KIRREL3: variants seen among roughly 807,000 people sequenced by gnomAD.
The protein encoded by KIRREL3 is kirre like nephrin family adhesion molecule 3, also known as kin of IRRE-like protein 3.
Under a neutral mutation model 89.7 loss-of-function variants are expected in KIRREL3, and 36 were observed. The observed-to-expected ratio is 0.40, with a 90% CI of 0.31 to 0.53. The LOEUF (loss-of-function observed/expected upper bound fraction) is 0.53. Among genes scored for constraint, KIRREL3 ranks in the 20% least tolerant of loss-of-function variants. KIRREL3 has a pLI of 0.49. For synonymous variants in KIRREL3, 445 were observed against 441.4 expected, an observed-to-expected ratio of 1.01 and a Z score of -0.10; for missense variants, 864 against 1,056.6, an observed-to-expected ratio of 0.82 and a Z score of 2.53.
In KIRREL3 at chr11:126,653,514, T is replaced by C. The variant is rs1296697365; in HGVS notation, c.56-90602A>G. Among the ~76,000 whole-genome samples the C allele has an allele frequency of 1.3e-5, 2 of 152,150 alleles. No individual in the cohort carries two copies. The highest frequency in any genetic ancestry group is 3.9e-4 in the East Asian group (2 of 5,194). ...ATGGATATGAAATGGTTCTGAAAGATGTAAAGAGCAATATAAACACCAGAT... is the reference window on the plus strand; with the variant it reads ...ATGGATATGAAATGGTTCTGAAAGACGTAAAGAGCAATATAAACACCAGAT... On this transcript the variant is annotated intron_variant, in intron 1 of 16. Transcript: ENST00000525144. This position sits in a 1 kb window ranked among gnomAD's most constrained non-coding sequence, Gnocchi z 5.4.
At chr11:126,552,549 A>AGTTTTT (rs1939350009) in intron 2 of KIRREL3, among the ~76,000 whole-genome samples, 4 of 67,924 alleles carry the variant, frequency 5.9e-5, no homozygotes, top group African/African-American at 2.3e-4. Flanking sequence ...GAGAGAGAAA[A>AGTTTTT]GTTTTTTTTT....
rs1949925116 is a variant in KIRREL3 at position 126,768,727 on chromosome 11, T to C, written c.56-205815A>G. ...GCAGCTGGAAGAGCAAGTGCAAAGG[T>C]CCTAAGGTGAGAATGACCCAGGTGC... On this transcript the variant is annotated intron_variant, in intron 1 of 16. Coordinates refer to ENST00000525144, the MANE Select transcript of KIRREL3 (RefSeq NM_032531.4). This position sits in a 1 kb window ranked among gnomAD's most constrained non-coding sequence, Gnocchi z 4.5. Among the ~76,000 whole-genome samples the C allele has an allele frequency of 6.6e-6, 1 of 151,890 alleles. No homozygotes were observed. Among genetic ancestry groups the C allele is most frequent in the Non-Finnish European group, 1.5e-5 (1 of 67,974 alleles).
rs534561142 is a variant in KIRREL3 at position 126,728,043 on chromosome 11, A to G, written c.56-165131T>C. On this transcript the variant is annotated intron_variant, in intron 1 of 16. Transcript: ENST00000525144. The stretch of plus-strand genomic sequence containing the variant: ...GCCAGAGCCTCCTGATGCACCTGGC[A>G]TGACACTGGGACAAAGGCAATCCAT... 1.3e-4 allele frequency among the ~76,000 whole-genome samples: 20 copies of G among 152,226 alleles called. No individual in the cohort carries two copies. The South Asian group carries it at 4.0e-3, about 30-fold the overall frequency.
chr11:126,466,386 C>T lies in KIRREL3; in HGVS notation c.592-3079G>A, dbSNP rs563903929. 3.3e-5 allele frequency among the ~76,000 whole-genome samples: 5 copies of T among 152,346 alleles called. No homozygotes were observed. In the East Asian group the frequency reaches 7.7e-4, roughly 24 times the overall value. Reference sequence around the variant, plus strand: ...CTAGCTCGCGGGGGACCCCAGGCCCCGTGCAGCGGGTATCCCAGGGAGGAA... The same window carrying T: ...CTAGCTCGCGGGGGACCCCAGGCCCTGTGCAGCGGGTATCCCAGGGAGGAA... On this transcript the variant is annotated intron_variant, in intron 5 of 16. Coordinates refer to ENST00000525144, the MANE Select transcript of KIRREL3 (RefSeq NM_032531.4).
At chr11:126,478,154 G>T (rs1172563351) in intron 4 of KIRREL3, among the ~76,000 whole-genome samples, 1 of 152,132 alleles carries the variant, frequency 6.6e-6, no homozygotes, top group Non-Finnish European at 1.5e-5. Context: ...TTCCGGGGCC[G>T]GGCTTGCCCT....
chr11:126,823,662 C>A (rs1943302204), intron 1 of KIRREL3, among the ~76,000 whole-genome samples: 1 of 152,218 alleles, frequency 6.6e-6, no homozygotes, highest in Non-Finnish European at 1.5e-5. Flanking sequence ...AGGGAGAAAT[C>A]AGTCTCCAGG....
At chr11:126,582,369 G>A (rs1187269722) in intron 1 of KIRREL3, among the ~76,000 whole-genome samples, 1 of 152,172 alleles carries the variant, frequency 6.6e-6, no homozygotes, top group African/African-American at 2.4e-5. Context: ...CTAAGCTCTG[G>A]TTTGTGTTTC....
In KIRREL3 at chr11:126,574,979, T is replaced by C. The variant is rs910612140; in HGVS notation, c.56-12067A>G. Among the ~76,000 whole-genome samples the C allele has an allele frequency of 1.3e-5, 2 of 152,208 alleles. No individual in the cohort carries two copies. Among genetic ancestry groups the C allele is most frequent in the Non-Finnish European group, 2.9e-5 (2 of 68,036 alleles). ...TGGGGATCAGTGTGTCTCTGGGACC[T>C]ATTTACCCCTATGAACCACTGGGGT... On this transcript the variant is annotated intron_variant, in intron 1 of 16. Coordinates refer to ENST00000525144, the MANE Select transcript of KIRREL3 (RefSeq NM_032531.4). This position sits in a 1 kb window ranked among gnomAD's most constrained non-coding sequence, Gnocchi z 5.3.
At chr11:126,447,051 G>T (rs60913815) in intron 8 of KIRREL3, among the ~76,000 whole-genome samples, 165 bp from the exon 9 acceptor site, 5,334 of 152,302 alleles carry the variant, frequency 0.035, 349 homozygotes, top group African/African-American at 0.12. Context: ...TCCGGGCGGG[G>T]TCTGGGATCT....
Position 126,723,878 on chromosome 11 carries a change from C to T in KIRREL3, c.56-160966G>A, listed in dbSNP as rs900369227. Reference sequence around the variant, plus strand: ...AAAATACTTTAAATGAAGGTAAAAACCATCATTGTTTTCTCTCTGCCTAGG... The same window carrying T: ...AAAATACTTTAAATGAAGGTAAAAATCATCATTGTTTTCTCTCTGCCTAGG... On this transcript the variant is annotated intron_variant, in intron 1 of 16. Transcript: ENST00000525144. This position sits in a 1 kb window ranked among gnomAD's most constrained non-coding sequence, Gnocchi z 4.0. 6.6e-6 allele frequency among the ~76,000 whole-genome samples: 1 copy of T among 152,152 alleles called. No homozygotes were observed. The highest frequency in any genetic ancestry group is 1.5e-5 in the Non-Finnish European group (1 of 68,030).
intron 1 of KIRREL3, among the ~76,000 whole-genome samples, chr11:126,875,230 C>T (rs1787276580): frequency 6.6e-6 from 1 of 152,110 alleles, no homozygotes; most frequent in Admixed American, 6.5e-5. Flanking sequence ...TCTCCTTGTC[C>T]TTTCTCTGTT....
In KIRREL3 at chr11:126,843,978, C is replaced by T. The variant is rs920080234; in HGVS notation, c.55+156477G>A. 1.1e-4 allele frequency among the ~76,000 whole-genome samples: 16 copies of T among 152,226 alleles called. No homozygotes were observed. The highest frequency in any genetic ancestry group is 2.7e-4 in the African/African-American group (11 of 41,458). ...AATGGGCAACCAGCAGCCCTCAGAACTGCTGTCTATGGAGTAGCCATTCTT... is the reference window on the plus strand; with the variant it reads ...AATGGGCAACCAGCAGCCCTCAGAATTGCTGTCTATGGAGTAGCCATTCTT... On this transcript the variant is annotated intron_variant, in intron 1 of 16. Coordinates refer to ENST00000525144, the MANE Select transcript of KIRREL3 (RefSeq NM_032531.4). The surrounding 1 kb of genome is among the most constrained non-coding windows in gnomAD (Gnocchi z 4.6).
Position 126,682,166 on chromosome 11 carries a change from T to G in KIRREL3, c.56-119254A>C, listed in dbSNP as rs1307709476. On this transcript the variant is annotated intron_variant, in intron 1 of 16. Coordinates refer to ENST00000525144, the MANE Select transcript of KIRREL3 (RefSeq NM_032531.4). The surrounding 1 kb of genome is among the most constrained non-coding windows in gnomAD (Gnocchi z 4.8). ...AAGAGTGGGCATCACAGAGCTGCTG[T>G]GGAGTGTGTGCACAGATTCTGTGTA... 2 of 318,642 alleles carry G rather than the reference T, an allele frequency of 6.3e-6. No individual in the cohort carries two copies. The highest frequency in any genetic ancestry group is 1.2e-5 in the Non-Finnish European group (2 of 161,758). 19.7% of individuals were successfully genotyped at this position (318,642 alleles called of 1,614,324 possible).
At chr11:126,621,052 AAT>A (rs1943556433) in intron 1 of KIRREL3, among the ~76,000 whole-genome samples, 1 of 152,210 alleles carries the variant, frequency 6.6e-6, no homozygotes, top group Non-Finnish European at 1.5e-5. Context: ...ATCTTAAAAG[AAT>A]TATTATTCAT....
Position 126,555,739 on chromosome 11 carries a change from T to G in KIRREL3, c.133+7096A>C, listed in dbSNP as rs1005238725. Among the ~76,000 whole-genome samples the G allele has an allele frequency of 1.1e-4, 11 of 96,948 alleles. No individual in the cohort carries two copies. The highest frequency in any genetic ancestry group is 6.5e-3 in the Middle Eastern group (1 of 154). 63.6% of individuals were successfully genotyped at this position (96,948 alleles called of 152,430 possible). A position where few individuals can be genotyped will look rare whatever the true frequency, so the allele number is the denominator to read the frequency against. ...CACCTTGTAGAACATGCTAACAATG[T>G]GAGCATTTTTTTTTTTTTTGAGACG... On this transcript the variant is annotated intron_variant, in intron 2 of 16. Transcript: ENST00000525144. This position sits in a 1 kb window ranked among gnomAD's most constrained non-coding sequence, Gnocchi z 4.2.
chr11:126,828,299 G>T (rs1943485498), intron 1 of KIRREL3, among the ~76,000 whole-genome samples: 1 of 152,112 alleles, frequency 6.6e-6, no homozygotes, highest in African/African-American at 2.4e-5. Context: ...TGCTGGCAAG[G>T]TGATGCGACC....
intron 1 of KIRREL3, among the ~76,000 whole-genome samples, chr11:126,806,571 T>C (rs1297401505): frequency 1.3e-5 from 2 of 152,230 alleles, no homozygotes; most frequent in African/African-American, 4.8e-5. Context: ...GAACTCCTAG[T>C]TGGACCATGT....
intron 15 of KIRREL3, among the ~76,000 whole-genome samples, chr11:126,426,986 A>G (rs1485007349): frequency 6.6e-6 from 1 of 152,118 alleles, no homozygotes; most frequent in Non-Finnish European, 1.5e-5. Context: ...CGATATCCTC[A>G]AGGGGTGGCT....
rs1035508550 is a variant in KIRREL3, at chr11:126,940,199, C to T, written c.55+60256G>A. On this transcript the variant is annotated intron_variant, in intron 1 of 16. Transcript: ENST00000525144. The surrounding 1 kb of genome is among the most constrained non-coding windows in gnomAD (Gnocchi z 4.6). ...AGCCTGCTCTCAAAGGATTGTCAAACGTGCAACAAATCAGTGTTCTCTCAT... is the reference window on the plus strand; with the variant it reads ...AGCCTGCTCTCAAAGGATTGTCAAATGTGCAACAAATCAGTGTTCTCTCAT... 2.0e-5 allele frequency among the ~76,000 whole-genome samples: 3 copies of T among 152,198 alleles called. No individual in the cohort carries two copies. Among genetic ancestry groups the T allele is most frequent in the African/African-American group, 2.4e-5 (1 of 41,450 alleles).
Sources: allele counts gnomAD v4.1 joint callset (sites outside exome capture counted in the v4.1 genomes callset), GRCh38; gene constraint gnomAD v4.1.1; non-coding constraint Gnocchi (gnomAD v3.1); transcripts MANE v1.5; gene names NCBI Gene and HGNC (gene_info 2026-07-23, HGNC 2026-07-21).